The following MTMR12 variants were observed in gnomAD, a reference collection of about 807,000 sequenced individuals.
MTMR12 encodes myotubularin-related protein 12.
MTMR12 carries 33 observed loss-of-function variants against 96.7 expected under a neutral mutation model. That is an observed-to-expected ratio of 0.34 (90% CI 0.26 to 0.46). The LOEUF (loss-of-function observed/expected upper bound fraction) is 0.46, where lower values mean the gene tolerates loss of function less well. MTMR12 is among the 20% of genes least tolerant of loss of function. MTMR12 has a pLI of 1.00. For synonymous variants in MTMR12, 298 were observed against 327.2 expected (o/e 0.91, Z 0.96); for missense variants, 721 against 896.1 (o/e 0.80, Z 2.49).
intron 7 of MTMR12, among the ~76,000 whole-genome samples, chr5:32,260,193 C>T (rs1749307894): frequency 6.6e-6 from 1 of 151,460 alleles, no homozygotes; most frequent in Non-Finnish European, 1.5e-5. Flanking sequence ...AGGGGTGGGA[C>T]ACAAAGCTGC....
At chr5:32,286,996 T>C (rs142124387) in intron 1 of MTMR12, among the ~76,000 whole-genome samples, 38 of 152,222 alleles carry the variant, frequency 2.5e-4, no homozygotes, top group African/African-American at 7.5e-4. Flanking sequence ...ACAGCCTTGG[T>C]AGAAATGTGC....
At chr5:32,294,577 A>G (rs959269635) in intron 1 of MTMR12, among the ~76,000 whole-genome samples, 13 of 152,256 alleles carry the variant, frequency 8.5e-5, no homozygotes, top group African/African-American at 2.9e-4. Context: ...CTGAGATTAC[A>G]GGTGTGAGCC....
intron 1 of MTMR12, among the ~76,000 whole-genome samples, chr5:32,301,085 GA>G (rs1337929335): frequency 2.6e-5 from 4 of 152,040 alleles, no homozygotes; most frequent in Non-Finnish European, 5.9e-5. Context: ...AAAAAAGAAA[GA>G]AAAAGATTTG....
Position 32,248,761 on chromosome 5 carries a change from C to G in MTMR12, c.896+11G>C, listed in dbSNP as rs1322278891. 1 of 1,603,796 alleles carries G rather than the reference C, an allele frequency of 6.2e-7. No homozygotes were observed. On this transcript the variant is annotated intron_variant, in intron 9 of 15. Transcript: ENST00000382142. ...AACTGAACAAGAACAAAATGTAGAA[C>G]TAGTACTGACCCATCTAAGAAGCTC...
At chr5:32,297,256 C>T (rs1321940247) in intron 1 of MTMR12, among the ~76,000 whole-genome samples, 6 of 152,098 alleles carry the variant, frequency 3.9e-5, no homozygotes, top group Non-Finnish European at 8.8e-5. Flanking sequence ...TTCATCATCC[C>T]AAAAGGAATA....
chr5:32,279,669 C>T (rs1164993683), intron 1 of MTMR12, among the ~76,000 whole-genome samples: 1 of 152,240 alleles, frequency 6.6e-6, no homozygotes. Flanking sequence ...ATTCCCCAAA[C>T]TTTTGGAGCT....
chr5:32,233,499 G>C lies in MTMR12; in HGVS notation c.1674+274C>G, dbSNP rs113663108. On this transcript the variant is annotated intron_variant, in intron 15 of 15. Coordinates refer to ENST00000382142, the MANE Select transcript of MTMR12 (RefSeq NM_001040446.3). This position sits in a 1 kb window ranked among gnomAD's most constrained non-coding sequence, Gnocchi z 5.0. ...ACACACACACACACACACACACACA[G>C]GCAGGACAAGAGGCACGATTCCATG... Among the ~76,000 whole-genome samples, 7 of 143,466 alleles carry C rather than the reference G, an allele frequency of 4.9e-5. No individual in the cohort carries two copies. Among genetic ancestry groups the C allele is most frequent in the African/African-American group, 2.0e-4 (7 of 34,666 alleles). The allele number at this position is 143,466 out of a possible 152,430, so 94.1% of individuals were successfully genotyped here. A position where few individuals can be genotyped will look rare whatever the true frequency, so the allele number is the denominator to read the frequency against.
chr5:32,250,203 T>C (rs1250632624), intron 8 of MTMR12, among the ~76,000 whole-genome samples: 1 of 152,146 alleles, frequency 6.6e-6, no homozygotes, highest in Non-Finnish European at 1.5e-5. Flanking sequence ...ATTGGGTGTC[T>C]AGCATCAACA....
chr5:32,275,624 G>A (rs1332556107), intron 2 of MTMR12, among the ~76,000 whole-genome samples: 2 of 152,174 alleles, frequency 1.3e-5, no homozygotes, highest in Admixed American at 6.5e-5. Context: ...AATGATCTTT[G>A]TCTAGTTTGT....
intron 2 of MTMR12, among the ~76,000 whole-genome samples, chr5:32,275,276 C>A (rs1406729668): frequency 6.6e-6 from 1 of 152,084 alleles, no homozygotes; most frequent in Non-Finnish European, 1.5e-5. Context: ...CTCAAGAGAT[C>A]ACAGTTTGAA....
intron 7 of MTMR12, among the ~76,000 whole-genome samples, chr5:32,260,059 G>A (rs755369193): frequency 1.7e-4 from 25 of 145,380 alleles, no homozygotes; most frequent in Non-Finnish European, 3.3e-4. Flanking sequence ...AAAAAAAAGC[G>A]GTACCTGGGG....
chr5:32,274,706 G>A (rs754360487), intron 2 of MTMR12, among the ~76,000 whole-genome samples: 4 of 152,168 alleles, frequency 2.6e-5, no homozygotes, highest in Non-Finnish European at 4.4e-5. Context: ...CTCCACGCTG[G>A]GAAAACAGAG....
At chr5:32,301,265 A>T (rs2112155780) in intron 1 of MTMR12, among the ~76,000 whole-genome samples, 1 of 152,284 alleles carries the variant, frequency 6.6e-6, no homozygotes, top group East Asian at 1.9e-4. Context: ...CCAGCCCAGG[A>T]GTCCCTCAGA....
intron 12 of MTMR12, among the ~76,000 whole-genome samples, chr5:32,241,282 A>G (rs915361247): frequency 1.3e-5 from 2 of 152,188 alleles, no homozygotes; most frequent in Admixed American, 6.5e-5. Flanking sequence ...AGCCCTGCAC[A>G]TGGCAGAGGC....
At chr5:32,263,928 G>A (rs148454717) in intron 6 of MTMR12, among the ~76,000 whole-genome samples, 1 of 152,254 alleles carries the variant, frequency 6.6e-6, no homozygotes, top group East Asian at 1.9e-4. Flanking sequence ...TGCATAAGAC[G>A]GCCAACTAAT....
chr5:32,261,201 T>C (rs138114251), intron 7 of MTMR12, among the ~76,000 whole-genome samples: 1,870 of 150,532 alleles, frequency 0.012, 13 homozygotes, highest in East Asian at 0.051. Flanking sequence ...CCACTGCACT[T>C]CAGCCTGGGT....
rs1275009865 is a variant in MTMR12 at position 32,268,787 on chromosome 5, C to T, written c.497G>A (p.Ser166Asn). The stretch of plus-strand genomic sequence containing the variant: ...AGCCTGGGTATGATGAATTATGCCA[C>T]TGACAATCTAAAAAAGAATCGAACA... ...TKEEEVKRIV[S>N]GIIHHTQAPK... Residue 166 changes from serine (S) to asparagine (N), a missense_variant, in exon 6 of 16, where the codon AGT becomes AAT. Transcript: ENST00000382142. 3.7e-6 allele frequency: 6 copies of T among 1,612,024 alleles called. No homozygotes were observed. Among genetic ancestry groups the T allele is most frequent in the Non-Finnish European group, 5.1e-6 (6 of 1,178,246 alleles).
rs113607061 is a variant in MTMR12, at chr5:32,311,710, A to G, written c.81+1048T>C. Reference sequence around the variant, plus strand: ...TCTGATCTCTCTAACCTCCTCTCCTATGACTGTCCCCCTTGTCCATGGGCC... The same window carrying G: ...TCTGATCTCTCTAACCTCCTCTCCTGTGACTGTCCCCCTTGTCCATGGGCC... On this transcript the variant is annotated intron_variant, in intron 1 of 15. Coordinates refer to ENST00000382142, the MANE Select transcript of MTMR12 (RefSeq NM_001040446.3). Among the ~76,000 whole-genome samples, 424 of 152,272 alleles carry G rather than the reference A, an allele frequency of 2.8e-3. 2 individuals are homozygous for G. Among genetic ancestry groups the G allele is most frequent in the African/African-American group, 9.5e-3 (396 of 41,550 alleles).
At chr5:32,231,434 T>C (rs1289220802) in intron 15 of MTMR12, among the ~76,000 whole-genome samples, 1 of 146,644 alleles carries the variant, frequency 6.8e-6, no homozygotes, top group Non-Finnish European at 1.5e-5. Flanking sequence ...CGGAAGGTCA[T>C]GAGGGTTCCC....
Sources: allele counts gnomAD v4.1 joint callset (sites outside exome capture counted in the v4.1 genomes callset), GRCh38; gene constraint gnomAD v4.1.1; non-coding constraint Gnocchi (gnomAD v3.1); transcripts MANE v1.5; gene names NCBI Gene and HGNC (gene_info 2026-07-23, HGNC 2026-07-21).